Variants in HECW1 observed in about 807,000 individuals in gnomAD.
HECW1 encodes HECT, C2 and WW domain containing E3 ubiquitin protein ligase 1.
In HECW1, 61 loss-of-function variants were observed where a neutral mutation model predicts 182.3. That is an observed-to-expected ratio of 0.33 (90% CI 0.27 to 0.41). The LOEUF (loss-of-function observed/expected upper bound fraction) is 0.41. Ranked by LOEUF, HECW1 falls within the 10% of genes least tolerant of loss-of-function variation. The pLI is 1.00. For missense variants in HECW1, 1,739 were observed against 2,108.9 expected (o/e 0.82, Z 3.44); for synonymous variants, 859 against 832.6 (o/e 1.03, Z -0.55).
intron 24 of HECW1, among the ~76,000 whole-genome samples, chr7:43,514,763 G>A (rs989501594): frequency 1.3e-5 from 2 of 152,092 alleles, no homozygotes; most frequent in Non-Finnish European, 2.9e-5. Context: ...TTGAGAACAT[G>A]CTAAATATAC....
At chr7:43,201,735 T>TA (rs1795031799) in intron 2 of HECW1, among the ~76,000 whole-genome samples, 1 of 152,220 alleles carries the variant, frequency 6.6e-6, no homozygotes. Flanking sequence ...TGCAATGACT[T>TA]ACGTCCAGAG....
chr7:43,419,230 C>T (rs2076106807), intron 8 of HECW1, among the ~76,000 whole-genome samples: 2 of 152,188 alleles, frequency 1.3e-5, no homozygotes, highest in Non-Finnish European at 2.9e-5. Context: ...ATTTTAGCTG[C>T]TCTGTACCAC....
intron 3 of HECW1, among the ~76,000 whole-genome samples, chr7:43,308,467 A>G (rs1808081190): frequency 6.7e-6 from 1 of 149,544 alleles, no homozygotes; most frequent in South Asian, 2.1e-4. Context: ...TGGGAAATTA[A>G]AAATAAAAAG....
chr7:43,277,087 T>A (rs573054028), intron 3 of HECW1, among the ~76,000 whole-genome samples: 1 of 152,316 alleles, frequency 6.6e-6, no homozygotes, highest in South Asian at 2.1e-4. Context: ...CTCTTCTTTC[T>A]CTATCTAATG....
chr7:43,491,593 A>G, intron 17 of HECW1, among the ~76,000 whole-genome samples: 1 of 152,232 alleles, frequency 6.6e-6, no homozygotes, highest in East Asian at 1.9e-4. Context: ...AATATTCATG[A>G]CTTTGACATG....
chr7:43,429,333 T>C (rs10279975), intron 8 of HECW1, among the ~76,000 whole-genome samples: 25,200 of 112,958 alleles, frequency 0.22, 2,913 homozygotes, highest in Middle Eastern at 0.29. Flanking sequence ...TATATATATA[T>C]ATACATATAT....
intron 10 of HECW1, among the ~76,000 whole-genome samples, chr7:43,443,180 T>C (rs2076944325): frequency 6.6e-6 from 1 of 152,226 alleles, no homozygotes; most frequent in Non-Finnish European, 1.5e-5. Context: ...AGATGCCTCA[T>C]AATTTTATTT....
At chr7:43,181,826 C>T (rs550463502) in intron 2 of HECW1, among the ~76,000 whole-genome samples, 3 of 150,692 alleles carry the variant, frequency 2.0e-5, no homozygotes, top group South Asian at 4.2e-4. Context: ...CTCACTCTGT[C>T]GCCCAGGCTG....
In HECW1 at chr7:43,199,944, T is replaced by C. The variant is rs138589174; in HGVS notation, c.-31-43931T>C. ...TTTAAGATTTAATTCTGTTTGTATTTAGGGGCATGGTTATAGTAATAATCT... is the reference window on the plus strand; with the variant it reads ...TTTAAGATTTAATTCTGTTTGTATTCAGGGGCATGGTTATAGTAATAATCT... On this transcript the variant is annotated intron_variant, in intron 2 of 29. Transcript: ENST00000395891. Among the ~76,000 whole-genome samples the C allele has an allele frequency of 6.4e-3, 980 of 152,300 alleles. 4 individuals are homozygous for C. Among genetic ancestry groups the C allele is most frequent in the African/African-American group, 0.022 (927 of 41,554 alleles).
intron 2 of HECW1, among the ~76,000 whole-genome samples, chr7:43,207,428 T>C (rs1291411049): frequency 1.3e-5 from 2 of 152,188 alleles, no homozygotes; most frequent in African/African-American, 4.8e-5. Flanking sequence ...TCAAGGTAAT[T>C]AGCATATTTG....
chr7:43,460,038 T>C (rs762272841), intron 13 of HECW1, among the ~76,000 whole-genome samples: 16 of 152,248 alleles, frequency 1.1e-4, no homozygotes, highest in Non-Finnish European at 2.1e-4. Context: ...GAAGTTTAGT[T>C]AACCTGATTT....
chr7:43,455,406 G>C (rs755666519), intron 12 of HECW1, among the ~76,000 whole-genome samples: 2 of 152,152 alleles, frequency 1.3e-5, no homozygotes, highest in African/African-American at 4.8e-5. Flanking sequence ...GTATAAGACA[G>C]AGGTCATCTA....
chr7:43,483,510 C>A (rs1370582981), intron 17 of HECW1, among the ~76,000 whole-genome samples: 2 of 151,442 alleles, frequency 1.3e-5, no homozygotes, highest in Admixed American at 6.6e-5. Flanking sequence ...AGTTCAGGAC[C>A]ACAGCTCAGG....
At chr7:43,469,243 T>TG (rs2077916269) in intron 16 of HECW1, 138 bp downstream of exon 16, 2 of 827,852 alleles carry the variant, frequency 2.4e-6, no homozygotes, top group Non-Finnish European at 3.8e-6. Context: ...GTAAAGGGGC[T>TG]GATAACCACC....
intron 2 of HECW1, among the ~76,000 whole-genome samples, chr7:43,182,902 G>A (rs7782954): frequency 0.24 from 36,702 of 151,806 alleles, 4,625 homozygotes; most frequent in Middle Eastern, 0.27. Flanking sequence ...TCACTTCCTT[G>A]GTTAAATTTT....
chr7:43,255,971 G>C (rs1800526352), intron 3 of HECW1, among the ~76,000 whole-genome samples: 1 of 152,122 alleles, frequency 6.6e-6, no homozygotes, highest in South Asian at 2.1e-4. Context: ...AAGAAAATCT[G>C]ACCTAATTAT....
In HECW1 at chr7:43,432,202, G is replaced by C. The variant is rs1299332201; in HGVS notation, c.802-5801G>C. Among the ~76,000 whole-genome samples the C allele has an allele frequency of 4.0e-5, 6 of 149,526 alleles. No homozygotes were observed. Among genetic ancestry groups the C allele is most frequent in the Non-Finnish European group, 8.9e-5 (6 of 67,396 alleles). On this transcript the variant is annotated intron_variant, in intron 8 of 29. Coordinates refer to ENST00000395891, the MANE Select transcript of HECW1 (RefSeq NM_015052.5). The surrounding 1 kb of genome is among the most constrained non-coding windows in gnomAD (Gnocchi z 4.1). ...TCGCCCGGGCTGGAGTGCAGTGGCG[G>C]GATCTCGGCTCACTGCAAGCTCCGC...
intron 23 of HECW1, 64 bp from the exon 24 acceptor site, chr7:43,508,905 T>G (rs2152928774): frequency 6.4e-7 from 1 of 1,568,806 alleles, no homozygotes; most frequent in East Asian, 2.2e-5. Context: ...AGAATCTGGG[T>G]GCAAACAGGT....
intron 6 of HECW1, among the ~76,000 whole-genome samples, chr7:43,364,614 T>C (rs976611061): frequency 1.1e-4 from 17 of 152,212 alleles, no homozygotes; most frequent in Non-Finnish European, 4.4e-5. Flanking sequence ...GGCCATGCCT[T>C]GAAGACAGAC....
Sources: allele counts gnomAD v4.1 joint callset (sites outside exome capture counted in the v4.1 genomes callset), GRCh38; gene constraint gnomAD v4.1.1; non-coding constraint Gnocchi (gnomAD v3.1); transcripts MANE v1.5; gene names NCBI Gene and HGNC (gene_info 2026-07-23, HGNC 2026-07-21).